The following CNTNAP4 variants were observed in gnomAD, a reference collection of about 807,000 sequenced individuals.
CNTNAP4 encodes contactin associated protein family member 4, also known as contactin-associated protein-like 4.
CNTNAP4 carries 98 observed loss-of-function variants against 148.4 expected under a neutral mutation model. That is an observed-to-expected ratio of 0.66 (90% confidence interval 0.56 to 0.78). The LOEUF (loss-of-function observed/expected upper bound fraction) is 0.78, where lower values mean the gene tolerates loss of function less well. Among genes scored for constraint, CNTNAP4 ranks in the 30% least tolerant of loss-of-function variants. The pLI, the probability that CNTNAP4 is intolerant of heterozygous loss-of-function variation, is 0.00. For synonymous variants in CNTNAP4, 730 were observed against 565.1 expected, an observed-to-expected ratio of 1.29 and a Z score of -4.14; for missense variants, 1,935 against 1,565.6, an observed-to-expected ratio of 1.24 and a Z score of -3.98.
At chr16:76,303,695 C>A (rs1358404693) in intron 1 of CNTNAP4, among the ~76,000 whole-genome samples, 1 of 152,134 alleles carries the variant, frequency 6.6e-6, no homozygotes, top group Non-Finnish European at 1.5e-5. Context: ...GCATCATGTG[C>A]AGTTTAAAAT....
intron 18 of CNTNAP4, among the ~76,000 whole-genome samples, chr16:76,536,441 C>T (rs1337470332): frequency 1.3e-5 from 2 of 152,074 alleles, no homozygotes; most frequent in African/African-American, 2.4e-5. Context: ...AGTAATCCAC[C>T]CACCTGAGCC....
chr16:76,339,296 C>CCCATTCCCCATGAGA, intron 2 of CNTNAP4, among the ~76,000 whole-genome samples: 1 of 152,256 alleles, frequency 6.6e-6, no homozygotes, highest in South Asian at 2.1e-4. Flanking sequence ...CCTCCCCATT[C>CCCATTCCCCATGAGA]AACATATAAC....
At chr16:76,414,977 T>G (rs2078925771) in intron 3 of CNTNAP4, among the ~76,000 whole-genome samples, 1 of 151,200 alleles carries the variant, frequency 6.6e-6, no homozygotes, top group Non-Finnish European at 1.5e-5. Flanking sequence ...TCCCTAATTT[T>G]GGTAATTTTT....
At chr16:76,535,882 T>A (rs964386523) in intron 18 of CNTNAP4, 98 bp downstream of exon 18, 18 of 1,366,606 alleles carry the variant, frequency 1.3e-5, no homozygotes, top group Admixed American at 9.6e-5. Context: ...ACAAAAAAAA[T>A]TCAATTTCTG....
At chr16:76,296,940 T>G (rs1346760097) in intron 1 of CNTNAP4, among the ~76,000 whole-genome samples, 2 of 152,162 alleles carry the variant, frequency 1.3e-5, no homozygotes, top group Admixed American at 6.6e-5. Context: ...TTCCAGTTGC[T>G]CTCCGTTGGC....
intron 3 of CNTNAP4, among the ~76,000 whole-genome samples, chr16:76,396,399 A>G (rs1468906701): frequency 6.6e-6 from 1 of 152,146 alleles, no homozygotes; most frequent in Non-Finnish European, 1.5e-5. Context: ...TGAGTATCCT[A>G]ATTTTTATCA....
At chr16:76,479,838 A>G (rs1039060505) in intron 12 of CNTNAP4, among the ~76,000 whole-genome samples, 3 of 152,178 alleles carry the variant, frequency 2.0e-5, no homozygotes, top group African/African-American at 7.2e-5. Flanking sequence ...AAAGCTTTGA[A>G]GAATATTTAC....
chr16:76,461,949 T>G lies in CNTNAP4; in HGVS notation c.1334-7T>G, dbSNP rs778307621. The G allele has an allele frequency of 1.2e-6, 2 of 1,612,772 alleles. No homozygotes were observed. Among genetic ancestry groups the G allele is most frequent in the South Asian group, 2.2e-5 (2 of 91,006 alleles). ...AGAGCGATCTCTAACTGATTTCATC[T>G]CCCTAGGTGTCGAATTAAATGATGG... On this transcript the variant is annotated splice_polypyrimidine_tract_variant and splice_region_variant and intron_variant, in intron 8 of 23. Coordinates refer to ENST00000611870, the MANE Select transcript of CNTNAP4 (RefSeq NM_033401.5).
chr16:76,522,691 CTTT>C (rs1568497102), intron 17 of CNTNAP4, among the ~76,000 whole-genome samples: 425 of 27,764 alleles, frequency 0.015, 44 homozygotes, highest in Admixed American at 0.07. Context: ...TCTCTCCTTT[CTTT>C]TCTTTTCTTT....
chr16:76,543,742 C>A (rs953210681), intron 21 of CNTNAP4, among the ~76,000 whole-genome samples: 4 of 152,186 alleles, frequency 2.6e-5, no homozygotes, highest in Non-Finnish European at 5.9e-5. Flanking sequence ...TGTGACCTGC[C>A]ACTGGCTGGG....
intron 2 of CNTNAP4, among the ~76,000 whole-genome samples, chr16:76,349,163 C>T (rs776128816): frequency 2.0e-5 from 3 of 152,114 alleles, no homozygotes; most frequent in Admixed American, 2.0e-4. Context: ...CTCTCCTTCT[C>T]TCTCTTTTGG....
chr16:76,306,260 T>C (rs1354512368), intron 1 of CNTNAP4, among the ~76,000 whole-genome samples: 3 of 152,200 alleles, frequency 2.0e-5, no homozygotes, highest in Non-Finnish European at 4.4e-5. Context: ...GCTGAACCCA[T>C]CCTTCTTAAT....
intron 4 of CNTNAP4, 50 bp from the exon 5 acceptor site, chr16:76,447,962 A>G (rs2080311425): frequency 7.4e-7 from 1 of 1,354,586 alleles, no homozygotes; most frequent in East Asian, 2.3e-5. Flanking sequence ...AAATGATTTA[A>G]TGGAAAAGAT....
intron 3 of CNTNAP4, among the ~76,000 whole-genome samples, chr16:76,404,673 G>A (rs543964445): frequency 1.3e-5 from 2 of 152,158 alleles, no homozygotes; most frequent in South Asian, 4.2e-4. Flanking sequence ...AACTTTGTGA[G>A]CATGCAATGA....
intron 15 of CNTNAP4, among the ~76,000 whole-genome samples, chr16:76,515,513 G>A (rs1481930831): frequency 1.3e-5 from 2 of 152,142 alleles, no homozygotes; most frequent in African/African-American, 4.8e-5. Flanking sequence ...CAGGAAGAGA[G>A]GTCTCACAAG....
intron 3 of CNTNAP4, among the ~76,000 whole-genome samples, chr16:76,376,310 A>T (rs985565364): frequency 6.6e-6 from 1 of 152,124 alleles, no homozygotes; most frequent in Non-Finnish European, 1.5e-5. Flanking sequence ...TTTGATGTGG[A>T]GTGGAAAAGA....
intron 3 of CNTNAP4, among the ~76,000 whole-genome samples, chr16:76,372,898 T>G (rs1189474335): frequency 6.6e-6 from 1 of 152,232 alleles, no homozygotes; most frequent in African/African-American, 2.4e-5. Flanking sequence ...CTTAAGGCTA[T>G]GAATTCCCAG....
intron 3 of CNTNAP4, among the ~76,000 whole-genome samples, chr16:76,401,111 C>G (rs189502588): frequency 2.4e-4 from 36 of 152,268 alleles, no homozygotes; most frequent in African/African-American, 8.4e-4. Context: ...AGTATTGAAT[C>G]TGTACATTGC....
At chr16:76,315,078 T>G (rs1265459833) in intron 1 of CNTNAP4, among the ~76,000 whole-genome samples, 3 of 147,108 alleles carry the variant, frequency 2.0e-5, no homozygotes, top group Admixed American at 6.6e-5. Flanking sequence ...TTGTTTTGTG[T>G]TGTTGTTGTT....
Sources: gnomAD v4.1 joint callset for allele counts (sites outside exome capture counted in the v4.1 genomes callset) on GRCh38, gnomAD v4.1.1 for gene constraint, MANE v1.5 for transcripts, NCBI Gene and HGNC (gene_info 2026-07-23, HGNC 2026-07-21) for gene names.